Variants in DOCK3 observed in about 807,000 individuals in gnomAD.
DOCK3 encodes dedicator of cytokinesis 3.
DOCK3 carries 60 observed loss-of-function variants against 265.6 expected under a neutral mutation model. That is an observed-to-expected ratio of 0.23 (90% CI 0.18 to 0.28). The LOEUF (loss-of-function observed/expected upper bound fraction) is 0.28, where lower values mean the gene tolerates loss of function less well. Among genes scored for constraint, DOCK3 ranks in the 10% least tolerant of loss-of-function variants. The pLI is 1.00. For synonymous variants in DOCK3, 881 were observed against 938.0 expected, an observed-to-expected ratio of 0.94 and a Z score of 1.11; for missense variants, 1,981 against 2,594.3, an observed-to-expected ratio of 0.76 and a Z score of 5.14.
chr3:51,322,663 G>C (rs2083811275), intron 32 of DOCK3, among the ~76,000 whole-genome samples: 1 of 152,098 alleles, frequency 6.6e-6, no homozygotes. Context: ...CACTAAATAT[G>C]GAAAGGAGTA....
intron 3 of DOCK3, among the ~76,000 whole-genome samples, chr3:50,876,320 C>T (rs930216228): frequency 4.6e-5 from 7 of 152,014 alleles, no homozygotes; most frequent in Non-Finnish European, 4.4e-5. Context: ...ACTTAAGTAT[C>T]TTTCTTGCCT....
Position 51,260,147 on chromosome 3 carries a change from A to T in DOCK3, c.2185-9A>T. The T allele has an allele frequency of 6.2e-7, 1 of 1,608,534 alleles. No homozygotes were observed. The highest frequency in any genetic ancestry group is 1.3e-5 in the African/African-American group (1 of 74,710). ...ATCTCTCCATCACTTTTTCTCCCAC[A>T]CTTTTCAGGCCTTGGAGTACCTTTT... On this transcript the variant is annotated splice_polypyrimidine_tract_variant and intron_variant, in intron 22 of 52. Transcript: ENST00000266037.
intron 3 of DOCK3, among the ~76,000 whole-genome samples, chr3:50,851,117 G>A (rs1286233756): frequency 6.6e-6 from 1 of 152,200 alleles, no homozygotes; most frequent in Non-Finnish European, 1.5e-5. Flanking sequence ...GTGTGGAGAT[G>A]GGAAACCTCC....
chr3:51,039,883 CTT>C (rs60370676), intron 5 of DOCK3, among the ~76,000 whole-genome samples: 70,168 of 99,686 alleles, frequency 0.7, 24,154 homozygotes, highest in East Asian at 0.85. Context: ...GCTTTGAGGT[CTT>C]TTTTTTTTTT....
At chr3:51,093,052 A>G (rs1412953848) in intron 9 of DOCK3, among the ~76,000 whole-genome samples, 1 of 152,166 alleles carries the variant, frequency 6.6e-6, no homozygotes, top group Non-Finnish European at 1.5e-5. Flanking sequence ...CCGTTTTGGT[A>G]CCAGTAACAC....
intron 26 of DOCK3, chr3:51,278,557 A>G (rs573919645): frequency 1.0e-6 from 1 of 985,194 alleles, no homozygotes; most frequent in East Asian, 1.1e-4. Flanking sequence ...TGGGCTTGGA[A>G]AGAGTGTCTG....
Position 51,350,315 on chromosome 3 carries a change from A to G in DOCK3, c.4030A>G (p.Ile1344Val), listed in dbSNP as rs1275845449. 6.2e-7 allele frequency: 1 copy of G among 1,609,036 alleles called. No individual in the cohort carries two copies. The highest frequency in any genetic ancestry group is 8.5e-7 in the Non-Finnish European group (1 of 1,178,736). The change falls in exon 40 of 53, where the codon ATT becomes GTT. Residue 1344 changes from isoleucine to valine, a missense_variant. Physicochemically the swap from Ile to Val is conservative, Grantham distance 29. Coordinates refer to ENST00000266037, the MANE Select transcript of DOCK3 (RefSeq NM_004947.5). ...AATGGAGGCCAGCTACTATGACAAC[A>G]TTATGGAGCAGCAACGCCTGGAGCC... ...RKMEASYYDN[I>V]MEQQRLEPEF...
intron 1 of DOCK3, among the ~76,000 whole-genome samples, chr3:50,760,052 G>C (rs1050437254): frequency 6.7e-5 from 10 of 150,132 alleles, no homozygotes; most frequent in Non-Finnish European, 1.0e-4. Context: ...TGTACTTTTG[G>C]TCATGAAGAA....
chr3:50,810,378 C>G (rs1026757439), intron 2 of DOCK3, among the ~76,000 whole-genome samples: 1 of 152,012 alleles, frequency 6.6e-6, no homozygotes. Context: ...TGGTGAAACC[C>G]TGTCTCTACT....
chr3:50,955,823 C>T (rs914178081), intron 5 of DOCK3, among the ~76,000 whole-genome samples: 1 of 152,078 alleles, frequency 6.6e-6, no homozygotes, highest in Non-Finnish European at 1.5e-5. Context: ...ACGTGTACCC[C>T]TGAATGGAAA....
At chr3:51,054,214 TTTGA>T (rs2081116081) in intron 5 of DOCK3, among the ~76,000 whole-genome samples, 1 of 152,016 alleles carries the variant, frequency 6.6e-6, no homozygotes, top group Non-Finnish European at 1.5e-5. Context: ...TACCCTTACC[TTTGA>T]TTGATAGCTT....
intron 3 of DOCK3, among the ~76,000 whole-genome samples, chr3:50,848,758 C>G (rs2046214360): frequency 6.6e-6 from 1 of 152,120 alleles, no homozygotes; most frequent in Non-Finnish European, 1.5e-5. Context: ...GTCTTATGGA[C>G]TATATGCCTT....
chr3:50,824,563 G>A (rs1200492980), intron 2 of DOCK3, among the ~76,000 whole-genome samples: 1 of 152,158 alleles, frequency 6.6e-6, no homozygotes, highest in East Asian at 1.9e-4. Flanking sequence ...AAACTGGTAT[G>A]TATCTTTTCC....
At chr3:51,192,825 T>C (rs1277881579) in intron 12 of DOCK3, among the ~76,000 whole-genome samples, 2 of 152,128 alleles carry the variant, frequency 1.3e-5, no homozygotes, top group African/African-American at 2.4e-5. Flanking sequence ...GGGAAGCCAT[T>C]CCTGATTCTC....
chr3:51,312,836 ATTC>A lies in DOCK3; in HGVS notation c.3195-5_3195-3del. ...ACTAACGGTTGGCTCCTGTGTTACT[ATTC>A]TTAGGTATGGGGACATGCGTGTAAT... On this transcript the variant is annotated splice_region_variant and splice_polypyrimidine_tract_variant and intron_variant, in intron 30 of 52. Coordinates refer to ENST00000266037, the MANE Select transcript of DOCK3 (RefSeq NM_004947.5). 15 of 1,608,628 alleles carry A rather than the reference ATTC, an allele frequency of 9.3e-6. No individual in the cohort carries two copies. Among genetic ancestry groups the A allele is most frequent in the Non-Finnish European group, 1.2e-5 (14 of 1,177,372 alleles).
At chr3:51,312,787 C>A in intron 30 of DOCK3, 57 bp from the exon 31 acceptor site, 3 of 1,545,122 alleles carry the variant, frequency 1.9e-6, no homozygotes, top group Non-Finnish European at 1.8e-6. Flanking sequence ...GGGTTTGCAG[C>A]CCTATCCTCC....
intron 27 of DOCK3, among the ~76,000 whole-genome samples, chr3:51,286,489 A>T (rs181117215): frequency 3.9e-4 from 60 of 152,328 alleles, no homozygotes; most frequent in African/African-American, 1.1e-3. Flanking sequence ...TATGGAATTA[A>T]AAAAAAGCCT....
chr3:50,941,863 A>G (rs990192623), intron 5 of DOCK3, among the ~76,000 whole-genome samples: 1 of 152,070 alleles, frequency 6.6e-6, no homozygotes, highest in Admixed American at 6.5e-5. Flanking sequence ...AATTATAGCA[A>G]TTAAGACAGA....
intron 12 of DOCK3, among the ~76,000 whole-genome samples, chr3:51,171,368 T>C (rs1029139857): frequency 2.6e-5 from 4 of 152,216 alleles, no homozygotes; most frequent in Admixed American, 6.5e-5. Flanking sequence ...TCTGGTTTCA[T>C]ACCATTGTGG....
Sources: gnomAD v4.1 joint callset for allele counts (sites outside exome capture counted in the v4.1 genomes callset) on GRCh38, gnomAD v4.1.1 for gene constraint, MANE v1.5 for transcripts, NCBI Gene and HGNC (gene_info 2026-07-23, HGNC 2026-07-21) for gene names.